POLR3C: variants seen among roughly 807,000 people sequenced by gnomAD.
The protein encoded by POLR3C is DNA-directed RNA polymerase III subunit RPC3.
POLR3C carries 44 observed loss-of-function variants against 65.9 expected under a neutral mutation model. The ratio of observed to expected loss-of-function variants is 0.67; its 90% confidence interval spans 0.52 to 0.86. The LOEUF (loss-of-function observed/expected upper bound fraction) is 0.86, where lower values mean the gene tolerates loss of function less well. POLR3C is among the 40% of genes least tolerant of loss of function. The pLI is 0.00. For missense variants in POLR3C, 576 were observed against 653.2 expected (o/e 0.88, Z 1.29); for synonymous variants, 263 against 231.6 (o/e 1.14, Z -1.23).
At chr1:145,831,528 AAAAG>A (rs1363549814) in intron 5 of POLR3C, among the ~76,000 whole-genome samples, 13 of 152,120 alleles carry the variant, frequency 8.5e-5, no homozygotes, top group East Asian at 3.9e-4. Flanking sequence ...AAAAAAAAAA[AAAAG>A]AGAGAGTTCT....
At position 145,842,449 on chromosome 1, in the gene POLR3C, C is replaced by T; in HGVS notation, c.*29C>T. On this transcript the variant is annotated 3_prime_UTR_variant, in exon 15 of 15. Coordinates refer to ENST00000334163, the MANE Select transcript of POLR3C (RefSeq NM_006468.8). Reference sequence around the variant, plus strand: ...AGAAGAAGCATCTTCCTCAGAAGATCTGGGGGGATGGAAAGCAAAATAAAG... The same window carrying T: ...AGAAGAAGCATCTTCCTCAGAAGATTTGGGGGGATGGAAAGCAAAATAAAG... The T allele has an allele frequency of 6.9e-7, 1 of 1,447,350 alleles. No individual in the cohort carries two copies. 89.7% of individuals were successfully genotyped at this position (1,447,350 alleles called of 1,614,324 possible). A position where few individuals can be genotyped will look rare whatever the true frequency, so the allele number is the denominator to read the frequency against.
In POLR3C at chr1:145,838,058, T is replaced by G. The variant is rs1553729266; in HGVS notation, c.1073T>G (p.Phe358Cys). The G allele has an allele frequency of 6.2e-7, 1 of 1,613,898 alleles. No homozygotes were observed. The highest frequency in any genetic ancestry group is 8.5e-7 in the Non-Finnish European group (1 of 1,179,796). Residue 358 changes from phenylalanine to cysteine, a missense_variant and splice_region_variant, in exon 11 of 15, where the codon TTT (phenylalanine) becomes TGT (cysteine). Coordinates refer to ENST00000334163, the MANE Select transcript of POLR3C (RefSeq NM_006468.8). Reference sequence around the variant, plus strand: ...TTGCTTTCTTCATTCCTTTCCAGATTTGGGTCTCGCTGTGCTAGAATATTC... The same window carrying G: ...TTGCTTTCTTCATTCCTTTCCAGATGTGGGTCTCGCTGTGCTAGAATATTC... ...ATLESVVQERFGSRCARIFRL... is the reference protein window; with the variant it reads ...ATLESVVQERCGSRCARIFRL...
chr1:145,824,454 G>A (rs973726651), intron 1 of POLR3C, 85 bp downstream of exon 1: 1 of 877,756 alleles, frequency 1.1e-6, no homozygotes, highest in Non-Finnish European at 1.6e-6. Flanking sequence ...TAAAGGAAGT[G>A]TAGAGCTAGG....
intron 5 of POLR3C, among the ~76,000 whole-genome samples, 172 bp downstream of exon 5, chr1:145,829,009 T>C (rs1651065883): frequency 6.6e-6 from 1 of 152,164 alleles, no homozygotes; most frequent in Non-Finnish European, 1.5e-5. Context: ...CTGTCTCCCT[T>C]CTGAGCCTTA....
chr1:145,838,580 G>C (rs1425129296), intron 11 of POLR3C, among the ~76,000 whole-genome samples: 1 of 152,100 alleles, frequency 6.6e-6, no homozygotes, highest in Admixed American at 6.5e-5. Flanking sequence ...CTGCTCGGGA[G>C]GCTGAGGCAG....
intron 6 of POLR3C, 41 bp downstream of exon 6, chr1:145,833,405 T>G (rs782718570): frequency 6.5e-7 from 1 of 1,530,640 alleles, no homozygotes; most frequent in South Asian, 1.1e-5. Flanking sequence ...TCAGGGACAT[T>G]TACTTATTTG....
chr1:145,840,094 T>C lies in POLR3C; in HGVS notation c.1324-22T>C, dbSNP rs929538992. Reference sequence around the variant, plus strand: ...CTGAAATAGAACTATGTGCATTCCTTGTCTGTCTTCTCTTTCCTCAGAGCA... The same window carrying C: ...CTGAAATAGAACTATGTGCATTCCTCGTCTGTCTTCTCTTTCCTCAGAGCA... On this transcript the variant is annotated intron_variant, in intron 12 of 14. Transcript: ENST00000334163. 15 of 1,597,924 alleles carry C rather than the reference T, an allele frequency of 9.4e-6. No homozygotes were observed. In the East Asian group the frequency reaches 3.1e-4, roughly 33 times the overall value.
At chr1:145,829,692 CCAT>C (rs1651128993) in intron 5 of POLR3C, among the ~76,000 whole-genome samples, 1 of 152,220 alleles carries the variant, frequency 6.6e-6, no homozygotes, top group African/African-American at 2.4e-5. Context: ...TGCCCCGTCT[CCAT>C]CTTACTCACT....
At chr1:145,824,963 A>G (rs1650584075) in intron 1 of POLR3C, among the ~76,000 whole-genome samples, 1 of 152,298 alleles carries the variant, frequency 6.6e-6, no homozygotes, top group Admixed American at 6.5e-5. Flanking sequence ...CTTTAAGGAA[A>G]ATCAGAATCA....
intron 5 of POLR3C, among the ~76,000 whole-genome samples, chr1:145,829,686 C>A (rs587643823): frequency 6.6e-6 from 1 of 152,292 alleles, no homozygotes; most frequent in South Asian, 2.1e-4. Flanking sequence ...CACCTCTGCC[C>A]CGTCTCCATC....
intron 10 of POLR3C, 133 bp downstream of exon 10, chr1:145,837,729 G>A (rs893789895): frequency 1.3e-6 from 1 of 748,160 alleles, no homozygotes; most frequent in Admixed American, 2.2e-5. Context: ...GACTCCTATG[G>A]ATCTCATGTA....
Position 145,826,838 on chromosome 1 carries a change from A to G in POLR3C, c.422A>G (p.Tyr141Cys). The G allele has an allele frequency of 6.2e-7, 1 of 1,611,284 alleles. No individual in the cohort carries two copies. Among genetic ancestry groups the G allele is most frequent in the East Asian group, 2.2e-5 (1 of 44,858 alleles). The change falls in exon 4 of 15, where the codon TAT (tyrosine) becomes TGT (cysteine). Residue 141 changes from tyrosine to cysteine, a missense_variant. Transcript: ENST00000334163. Reference sequence around the variant, plus strand: ...TATACAGATGGCAAGACCATGGACTATGCTGAAGTATCAAACACATTTGTG... The same window carrying G: ...TATACAGATGGCAAGACCATGGACTGTGCTGAAGTATCAAACACATTTGTG... ...ETMEDGKTMDYAEVSNTFVRL... is the reference protein window; with the variant it reads ...ETMEDGKTMDCAEVSNTFVRL...
At position 145,842,776 on chromosome 1, in the gene POLR3C, T is replaced by C. The variant is rs1177461577; in HGVS notation, c.*356T>C. Among the ~76,000 whole-genome samples, 3 of 144,038 alleles carry C rather than the reference T, an allele frequency of 2.1e-5. No individual in the cohort carries two copies. Among genetic ancestry groups the C allele is most frequent in the African/African-American group, 7.4e-5 (3 of 40,354 alleles). 94.5% of individuals were successfully genotyped at this position (144,038 alleles called of 152,430 possible). A position where few individuals can be genotyped will look rare whatever the true frequency, so the allele number is the denominator to read the frequency against. On this transcript the variant is annotated 3_prime_UTR_variant, in exon 15 of 15. Coordinates refer to ENST00000334163, the MANE Select transcript of POLR3C (RefSeq NM_006468.8). ...TTTTCAGATGTCTATGCCTGTTCTT[T>C]ATTTTGTTGAGATAGGTGATAGATA...
chr1:145,826,455 T>G lies in POLR3C; in HGVS notation c.149T>G (p.Val50Gly), dbSNP rs1407420353. The change falls in exon 3 of 15, where the codon GTG becomes GGG. Residue 50 changes from valine (V) to glycine (G), a missense_variant and splice_region_variant. Val to Gly is a moderately radical substitution (Grantham distance 109). Coordinates refer to ENST00000334163, the MANE Select transcript of POLR3C (RefSeq NM_006468.8). Reference sequence around the variant, plus strand: ...TTCTTCTCTTTATGTTCCATTTAGGTGAAGAAAGCCCTGTGTGTCCTCGTC... The same window carrying G: ...TTCTTCTCTTTATGTTCCATTTAGGGGAAGAAAGCCCTGTGTGTCCTCGTC... Reference protein sequence around the residue: ...AHDTGTSLDQVKKALCVLVQH... With the variant: ...AHDTGTSLDQGKKALCVLVQH... 6.2e-7 allele frequency: 1 copy of G among 1,612,710 alleles called. No individual in the cohort carries two copies. The highest frequency in any genetic ancestry group is 8.5e-7 in the Non-Finnish European group (1 of 1,179,260).
intron 7 of POLR3C, among the ~76,000 whole-genome samples, chr1:145,835,144 CAAAAAAAA>C (rs56819606): frequency 2.1e-5 from 1 of 47,294 alleles, no homozygotes; most frequent in African/African-American, 6.9e-5. Context: ...AACCCTATTT[CAAAAAAAA>C]AAAAAAAAAA....
intron 8 of POLR3C, 72 bp from the exon 9 acceptor site, chr1:145,836,743 T>C: frequency 2.8e-6 from 3 of 1,073,760 alleles, no homozygotes; most frequent in Non-Finnish European, 4.3e-6. Context: ...AGACTTTTGG[T>C]CAGATTTGTT....
chr1:145,826,401 T>C (rs1650746569), intron 2 of POLR3C, 53 bp from the exon 3 acceptor site: 3 of 1,556,538 alleles, frequency 1.9e-6, no homozygotes, highest in Admixed American at 1.7e-5. Flanking sequence ...CCAGCAGTAA[T>C]GAGCTATATC....
intron 13 of POLR3C, 185 bp downstream of exon 13, chr1:145,840,350 G>A: frequency 3.6e-6 from 2 of 557,370 alleles, no homozygotes; most frequent in Non-Finnish European, 6.5e-6. Context: ...GACCAACCTG[G>A]CCAACATGGT....
At position 145,824,568 on chromosome 1, in the gene POLR3C, G is replaced by C. The variant is rs782323640; in HGVS notation, c.-21+199G>C. The C allele has an allele frequency of 6.3e-6, 8 of 1,276,080 alleles. No homozygotes were observed. In the South Asian group the frequency reaches 9.9e-5, roughly 16 times the overall value. 79.0% of individuals were successfully genotyped at this position (1,276,080 alleles called of 1,614,324 possible). A position where few individuals can be genotyped will look rare whatever the true frequency, so the allele number is the denominator to read the frequency against. On this transcript the variant is annotated intron_variant, in intron 1 of 14. Transcript: ENST00000334163. ...AATAGGTCTCTGGTGATACTGAGGC[G>C]GGGTGGGGACGGGGAGGCAAAGACT...
Sources: allele counts gnomAD v4.1 joint callset (sites outside exome capture counted in the v4.1 genomes callset), GRCh38; gene constraint gnomAD v4.1.1; transcripts MANE v1.5; gene names NCBI Gene and HGNC (gene_info 2026-07-23, HGNC 2026-07-21).